Variants in PCDHGA1 observed in about 807,000 individuals in gnomAD.
The protein encoded by PCDHGA1 is protocadherin gamma-A1.
Under a neutral mutation model 58.0 loss-of-function variants are expected in PCDHGA1, and 32 were observed. That is an observed-to-expected ratio of 0.55 (90% CI 0.42 to 0.74). The LOEUF is 0.74. PCDHGA1 is among the 30% of genes least tolerant of loss of function. PCDHGA1 has a pLI of 0.00. For missense variants in PCDHGA1, 1,205 were observed against 1,182.3 expected, an observed-to-expected ratio of 1.02 and a Z score of -0.28; for synonymous variants, 498 against 501.1, an observed-to-expected ratio of 0.99 and a Z score of 0.08.
At chr5:141,423,977 G>A in intron 1 of PCDHGA1, 4 of 1,121,548 alleles carry the variant, frequency 3.6e-6, no homozygotes, top group Non-Finnish European at 4.4e-6. Context: ...ATCAGTGTAT[G>A]AGGCTCTCAA....
intron 1 of PCDHGA1, chr5:141,346,599 T>C: frequency 7.7e-7 from 1 of 1,300,024 alleles, no homozygotes; most frequent in Non-Finnish European, 1.1e-6. Flanking sequence ...CCTTTCTTTC[T>C]GGGCCTATAG....
intron 2 of PCDHGA1, among the ~76,000 whole-genome samples, chr5:141,495,834 C>T (rs1366861675): frequency 6.6e-6 from 1 of 152,198 alleles, no homozygotes; most frequent in African/African-American, 2.4e-5. Context: ...CTATCCCCAG[C>T]CTCTATGTTT....
At chr5:141,385,412 G>T in intron 1 of PCDHGA1, 1 of 1,472,506 alleles carries the variant, frequency 6.8e-7, no homozygotes, top group Admixed American at 2.7e-5. Context: ...TTGAAAATAG[G>T]GATTTAAAAA....
In PCDHGA1 at chr5:141,432,677, C is replaced by T. The variant is rs1241190176; in HGVS notation, c.2422-62130C>T. On this transcript the variant is annotated intron_variant, in intron 1 of 3. Transcript: ENST00000517417. This position sits in a 1 kb window ranked among gnomAD's most constrained non-coding sequence, Gnocchi z 6.0. ...CCTGCTGGACAGAGACGCGCTCAAGCAGAGCCTCGTAGTGGCCGTCCAGGA... is the reference window on the plus strand; with the variant it reads ...CCTGCTGGACAGAGACGCGCTCAAGTAGAGCCTCGTAGTGGCCGTCCAGGA... The T allele has an allele frequency of 1.2e-6, 2 of 1,613,942 alleles. No individual in the cohort carries two copies. The highest frequency in any genetic ancestry group is 1.1e-5 in the South Asian group (1 of 91,076).
chr5:141,377,395 C>T (rs1468880998), intron 1 of PCDHGA1: 1 of 151,984 alleles, frequency 6.6e-6, no homozygotes, highest in Non-Finnish European at 1.5e-5. Context: ...CCCTTGAGAC[C>T]AGGAGTTTGA....
At chr5:141,383,712 G>A (rs895145051) in intron 1 of PCDHGA1, 2 of 1,613,970 alleles carry the variant, frequency 1.2e-6, no homozygotes, top group African/African-American at 2.7e-5. Flanking sequence ...ACCTGGACGA[G>A]GGAGTCAATG....
At chr5:141,461,989 A>G (rs2099028358) in intron 1 of PCDHGA1, among the ~76,000 whole-genome samples, 1 of 152,074 alleles carries the variant, frequency 6.6e-6, no homozygotes, top group African/African-American at 2.4e-5. Flanking sequence ...ACGCCAGGCT[A>G]ATTTTGTATT....
At chr5:141,427,812 G>A (rs1380721111) in intron 1 of PCDHGA1, 1 of 1,524,286 alleles carries the variant, frequency 6.6e-7, no homozygotes, top group African/African-American at 1.4e-5. Context: ...CGCACAGAGC[G>A]GGGTGGTGGT....
chr5:141,383,738 C>A (rs1779431322), intron 1 of PCDHGA1: 3 of 1,614,006 alleles, frequency 1.9e-6, no homozygotes, highest in Admixed American at 3.3e-5. Context: ...GTGACATATT[C>A]TTTTCGGAAA....
chr5:141,346,375 G>A (rs1245459936), intron 1 of PCDHGA1: 1 of 1,614,250 alleles, frequency 6.2e-7, no homozygotes, highest in East Asian at 2.2e-5. Context: ...ACGCTCATCA[G>A]CCAGGAGAGC....
intron 1 of PCDHGA1, chr5:141,339,013 C>A (rs781612625): frequency 1.3e-6 from 2 of 1,582,822 alleles, no homozygotes; most frequent in East Asian, 2.3e-5. Flanking sequence ...GAAAGCTGGT[C>A]CTGCTGTGCT....
chr5:141,484,121 C>A (rs1451102473), intron 1 of PCDHGA1, among the ~76,000 whole-genome samples: 1 of 152,152 alleles, frequency 6.6e-6, no homozygotes, highest in African/African-American at 2.4e-5. Context: ...TCAAGAATAC[C>A]TTGGTGTCAG....
intron 1 of PCDHGA1, chr5:141,345,502 C>A: frequency 1.2e-6 from 2 of 1,614,192 alleles, no homozygotes; most frequent in Non-Finnish European, 1.7e-6. Flanking sequence ...ATCACTTATG[C>A]ATTGACCGAG....
chr5:141,330,573 T>G lies in PCDHGA1; in HGVS notation c.-112T>G. ...TCCAAGACTGCCTAAATCCTACTTC[T>G]GGATGACTCTCCAGTCAGAATTCTC... On this transcript the variant is annotated 5_prime_UTR_variant, in exon 1 of 4. Transcript: ENST00000517417. 1 of 1,176,436 alleles carries G rather than the reference T, an allele frequency of 8.5e-7. No individual in the cohort carries two copies. Among genetic ancestry groups the G allele is most frequent in the Admixed American group, 2.3e-5 (1 of 43,044 alleles). The allele number at this position is 1,176,436 out of a possible 1,614,324, so 72.9% of individuals were successfully genotyped here. A position where few individuals can be genotyped will look rare whatever the true frequency, so the allele number is the denominator to read the frequency against.
rs374181150 is a variant in PCDHGA1, at chr5:141,477,134, G to C, written c.2422-17673G>C. The C allele has an allele frequency of 2.5e-5, 41 of 1,614,092 alleles. No homozygotes were observed. Among genetic ancestry groups the C allele is most frequent in the Non-Finnish European group, 3.4e-5 (40 of 1,180,056 alleles). ...CGAAGGAGCACATTGCAAAGTGTTG[G>C]TGGAGGTTGTGGATGTGAATGACAA... is the stretch of plus-strand genomic sequence containing the variant. On this transcript the variant is annotated intron_variant, in intron 1 of 3. Coordinates refer to ENST00000517417, the MANE Select transcript of PCDHGA1 (RefSeq NM_018912.3). The surrounding 1 kb of genome is among the most constrained non-coding windows in gnomAD (Gnocchi z 4.9).
rs2099746956 is a variant in PCDHGA1 at position 141,493,207 on chromosome 5, A to C, written c.2422-1600A>C. Among the ~76,000 whole-genome samples, 1 of 152,152 alleles carries C rather than the reference A, an allele frequency of 6.6e-6. No individual in the cohort carries two copies. The highest frequency in any genetic ancestry group is 2.4e-5 in the African/African-American group (1 of 41,442). On this transcript the variant is annotated intron_variant, in intron 1 of 3. Coordinates refer to ENST00000517417, the MANE Select transcript of PCDHGA1 (RefSeq NM_018912.3). The surrounding 1 kb of genome is among the most constrained non-coding windows in gnomAD (Gnocchi z 4.3). ...ATAACTCCTTTGAGAACCTCATCTC[A>C]TTTGCTCTTCCCACCATTGCTGTTG...
chr5:141,342,565 T>A (rs919342971), intron 1 of PCDHGA1: 20 of 152,228 alleles, frequency 1.3e-4, no homozygotes, highest in Admixed American at 1.2e-3. Context: ...TGAGACAAGG[T>A]GTTGTTTTGG....
In PCDHGA1 at chr5:141,332,660, C is replaced by G; in HGVS notation, c.1976C>G (p.Thr659Arg). ...HGQPPLSATV[T>R]LTVAVADRIS... Reference sequence around the variant, plus strand: ...CAGCCCCCGCTCTCCGCCACTGTCACGCTCACCGTGGCCGTGGCCGACAGG... The same window carrying G: ...CAGCCCCCGCTCTCCGCCACTGTCAGGCTCACCGTGGCCGTGGCCGACAGG... The change falls in exon 1 of 4, where the codon ACG (threonine) becomes AGG (arginine). Residue 659 changes from threonine to arginine, a missense_variant. Physicochemically the swap from Thr to Arg is moderately conservative, Grantham distance 71. Transcript: ENST00000517417. This position sits in a 1 kb window ranked among gnomAD's most constrained non-coding sequence, Gnocchi z 4.6. 6.2e-7 allele frequency: 1 copy of G among 1,613,422 alleles called. No individual in the cohort carries two copies. Among genetic ancestry groups the G allele is most frequent in the Non-Finnish European group, 8.5e-7 (1 of 1,179,816 alleles).
intron 1 of PCDHGA1, among the ~76,000 whole-genome samples, chr5:141,369,256 A>G (rs1385163233): frequency 6.6e-6 from 1 of 152,192 alleles, no homozygotes. Context: ...AAATAATATA[A>G]TTATAAGGAC....
Sources: gnomAD v4.1 joint callset for allele counts (sites outside exome capture counted in the v4.1 genomes callset) on GRCh38, gnomAD v4.1.1 for gene constraint, Gnocchi (gnomAD v3.1) non-coding constraint, MANE v1.5 for transcripts, NCBI Gene and HGNC (gene_info 2026-07-23, HGNC 2026-07-21) for gene names.